Variants in ACYP2 observed in about 807,000 individuals in gnomAD.
ACYP2 encodes acylphosphatase-2.
Under a neutral mutation model 11.2 loss-of-function variants are expected in ACYP2, and 12 were observed. The ratio of observed to expected loss-of-function variants is 1.08; its 90% CI spans 0.69 to 1.74. ACYP2 has a LOEUF of 1.74. ACYP2 is among the 40% of genes most tolerant of loss of function. The pLI is 0.00. For synonymous variants in ACYP2, 43 were observed against 32.2 expected (o/e 1.33, Z -1.13); for missense variants, 134 against 101.9 (o/e 1.31, Z -1.35).
At chr2:54,269,081 T>G (rs1688167469) in intron 6 of ACYP2, among the ~76,000 whole-genome samples, 1 of 152,192 alleles carries the variant, frequency 6.6e-6, no homozygotes, top group Admixed American at 6.5e-5. Context: ...GGAGTGAAAC[T>G]GTGCCCATTA....
At chr2:54,129,323 A>G (rs1371645581) in intron 4 of ACYP2, among the ~76,000 whole-genome samples, 1 of 152,078 alleles carries the variant, frequency 6.6e-6, no homozygotes, top group African/African-American at 2.4e-5. Context: ...TTCAGAAATG[A>G]AGTCTTGCTT....
intron 6 of ACYP2, among the ~76,000 whole-genome samples, chr2:54,201,672 TTCTTTCTTTC>T (rs1448090649): frequency 4.1e-4 from 46 of 112,626 alleles, no homozygotes; most frequent in African/African-American, 1.3e-3. Context: ...CTTTCTTTCT[TTCTTTCTTTC>T]TCTCTCTCTC....
intron 6 of ACYP2, among the ~76,000 whole-genome samples, chr2:54,251,720 G>A (rs371211741): frequency 1.3e-5 from 2 of 152,130 alleles, no homozygotes; most frequent in African/African-American, 4.8e-5. Flanking sequence ...CAGAGCAAAG[G>A]GCAGGTGTGC....
intron 6 of ACYP2, among the ~76,000 whole-genome samples, chr2:54,236,291 T>G (rs2103975488): frequency 6.6e-6 from 1 of 152,272 alleles, no homozygotes; most frequent in Middle Eastern, 3.4e-3. Context: ...ATCAAGGATG[T>G]TTAGCTTATT....
intron 6 of ACYP2, among the ~76,000 whole-genome samples, chr2:54,160,648 G>T (rs1446827738): frequency 6.6e-6 from 1 of 152,198 alleles, no homozygotes; most frequent in Non-Finnish European, 1.5e-5. Context: ...CGAAGGCATT[G>T]AGCTGAAAGA....
intron 6 of ACYP2, among the ~76,000 whole-genome samples, chr2:54,168,377 G>T (rs986898065): frequency 6.6e-5 from 10 of 152,262 alleles, no homozygotes; most frequent in African/African-American, 7.2e-5. Flanking sequence ...AGTGAGCAGA[G>T]ATCACGACAT....
chr2:54,045,795 G>C (rs1675489700), intron 2 of ACYP2, among the ~76,000 whole-genome samples: 1 of 151,790 alleles, frequency 6.6e-6, no homozygotes, highest in South Asian at 2.1e-4. Context: ...CAGCCTGGGT[G>C]ACAGAGTGAG....
intron 6 of ACYP2, among the ~76,000 whole-genome samples, chr2:54,260,771 G>A (rs1687742999): frequency 6.6e-6 from 1 of 152,172 alleles, no homozygotes; most frequent in African/African-American, 2.4e-5. Flanking sequence ...TAAGGTCATT[G>A]CAGGGGAGGA....
chr2:53,988,249 A>G (rs1012618189), intron 2 of ACYP2, among the ~76,000 whole-genome samples: 3 of 152,098 alleles, frequency 2.0e-5, no homozygotes, highest in African/African-American at 4.8e-5. Context: ...GCCTAGTCCT[A>G]GATTCCAAAG....
intron 4 of ACYP2, among the ~76,000 whole-genome samples, chr2:54,128,575 G>C (rs1057196094): frequency 6.6e-6 from 1 of 152,180 alleles, no homozygotes; most frequent in African/African-American, 2.4e-5. Context: ...GTTGAGGTGA[G>C]AGAATTGGTT....
chr2:54,289,360 G>T (rs1275294830), intron 6 of ACYP2, among the ~76,000 whole-genome samples: 1 of 151,844 alleles, frequency 6.6e-6, no homozygotes, highest in African/African-American at 2.4e-5. Flanking sequence ...CAACCAACAG[G>T]CCCAAGCTCT....
intron 6 of ACYP2, among the ~76,000 whole-genome samples, chr2:54,201,632 C>CTTTCTTTCTTTG (rs1684801036): frequency 2.7e-5 from 2 of 74,296 alleles, no homozygotes; most frequent in African/African-American, 5.0e-5. Flanking sequence ...TTGTTTCTTT[C>CTTTCTTTCTTTG]TTTCTCTTTC....
At chr2:54,051,341 G>T (rs1416933332) in intron 3 of ACYP2, 3 of 762,988 alleles carry the variant, frequency 3.9e-6, no homozygotes, top group African/African-American at 3.4e-5. Flanking sequence ...TTTAAGAAGT[G>T]CTCAGAGAGG....
intron 2 of ACYP2, among the ~76,000 whole-genome samples, chr2:53,994,113 G>A (rs533820093): frequency 1.4e-4 from 22 of 152,066 alleles, no homozygotes; most frequent in African/African-American, 3.9e-4. Flanking sequence ...GGCGGATCCC[G>A]AGGTCAGGAG....
At chr2:54,250,486 C>T (rs11893663) in intron 6 of ACYP2, among the ~76,000 whole-genome samples, 2,075 of 150,078 alleles carry the variant, frequency 0.014, 43 homozygotes, top group African/African-American at 0.048. Context: ...GTGGGGGGGG[C>T]GTTGAAAGTA....
intron 4 of ACYP2, among the ~76,000 whole-genome samples, chr2:54,101,831 T>G (rs10172916): frequency 0.16 from 23,620 of 152,150 alleles, 2,004 homozygotes; most frequent in African/African-American, 0.23. Flanking sequence ...TACAGAGGGC[T>G]CTCATATACA....
At position 54,074,303 on chromosome 2, in the gene ACYP2, C is replaced by T. The variant is rs146261106; in HGVS notation, c.277+16943C>T. Among the ~76,000 whole-genome samples, 1,489 of 152,202 alleles carry T rather than the reference C, an allele frequency of 9.8e-3. 10 individuals carry two copies. The highest frequency in any genetic ancestry group is 0.014 in the Non-Finnish European group (941 of 68,014). On this transcript the variant is annotated intron_variant, in intron 4 of 6. Transcript: ENST00000607452. ...AAGGTTATAATGAGCTATGATTGGG[C>T]CACTACACTCCAGCCTGGGTGACAG... is the stretch of plus-strand genomic sequence containing the variant.
chr2:54,266,079 A>G (rs1442301613), intron 6 of ACYP2, among the ~76,000 whole-genome samples: 2 of 152,236 alleles, frequency 1.3e-5, no homozygotes, highest in Non-Finnish European at 2.9e-5. Flanking sequence ...TGCTGACATA[A>G]GTAACTCTCT....
chr2:54,021,148 G>A (rs1446245484), intron 2 of ACYP2, among the ~76,000 whole-genome samples: 1 of 152,144 alleles, frequency 6.6e-6, no homozygotes, highest in Non-Finnish European at 1.5e-5. Flanking sequence ...CTGTTTTAAG[G>A]AGCAGGCATA....
Sources: allele counts gnomAD v4.1 joint callset (sites outside exome capture counted in the v4.1 genomes callset), GRCh38; gene constraint gnomAD v4.1.1; transcripts MANE v1.5; gene names NCBI Gene and HGNC (gene_info 2026-07-23, HGNC 2026-07-21).